The following TMCC1 variants were observed in gnomAD, a reference collection of about 807,000 sequenced individuals.
TMCC1 encodes the protein transmembrane and coiled-coil domains protein 1.
TMCC1 carries 15 observed loss-of-function variants against 52.4 expected under a neutral mutation model. The ratio of observed to expected loss-of-function variants is 0.29; its 90% confidence interval spans 0.19 to 0.44. The LOEUF is 0.44. TMCC1 is among the 20% of genes least tolerant of loss of function. The pLI is 1.00. For synonymous variants in TMCC1, 279 were observed against 301.9 expected, an observed-to-expected ratio of 0.92 and a Z score of 0.79; for missense variants, 503 against 806.0, an observed-to-expected ratio of 0.62 and a Z score of 4.55.
chr3:129,756,115 A>G lies in TMCC1; in HGVS notation c.576+71688T>C, dbSNP rs1378412110. Among the ~76,000 whole-genome samples the G allele has an allele frequency of 4.0e-5, 5 of 125,556 alleles. No homozygotes were observed. The East Asian group carries it at 2.0e-3, about 50-fold the overall frequency. The allele number at this position is 125,556 out of a possible 152,430, so 82.4% of individuals were successfully genotyped here. On this transcript the variant is annotated intron_variant, in intron 4 of 6. Coordinates refer to ENST00000393238, the MANE Select transcript of TMCC1 (RefSeq NM_001017395.5). ...TCCATCTCAAGAAAAAAAAAAAAAAAGAAAAAAAAAGAAAGAAAAAAGAAA... is the reference window on the plus strand; with the variant it reads ...TCCATCTCAAGAAAAAAAAAAAAAAGGAAAAAAAAAGAAAGAAAAAAGAAA...
chr3:129,778,525 C>T (rs967469551), intron 4 of TMCC1, among the ~76,000 whole-genome samples: 2 of 152,090 alleles, frequency 1.3e-5, no homozygotes, highest in Admixed American at 1.3e-4. Context: ...GTACTATTTT[C>T]TCAAGGCAAT....
rs1183794475 is a variant in TMCC1, at chr3:129,649,270, AAGTT to A, written c.*2207_*2210del. ...CTCTGAGCAATTACGCTAAAGCAGA[AAGTT>A]AGGAGAAACTGTCAGTTCAAAAAGT... On this transcript the variant is annotated 3_prime_UTR_variant, in exon 7 of 7. Coordinates refer to ENST00000393238, the MANE Select transcript of TMCC1 (RefSeq NM_001017395.5). 1 of 152,204 alleles carries A rather than the reference AAGTT, an allele frequency of 6.6e-6. No homozygotes were observed. Among genetic ancestry groups the A allele is most frequent in the Non-Finnish European group, 1.5e-5 (1 of 68,038 alleles). The allele number at this position is 152,204 out of a possible 1,614,324, so 9.4% of individuals were successfully genotyped here. A position where few individuals can be genotyped will look rare whatever the true frequency, so the allele number is the denominator to read the frequency against.
At chr3:129,808,016 C>G (rs986050514) in intron 4 of TMCC1, among the ~76,000 whole-genome samples, 16 of 146,252 alleles carry the variant, frequency 1.1e-4, no homozygotes, top group Admixed American at 7.4e-4. Context: ...AGAAGTGTAT[C>G]TCCAAGAAAA....
At chr3:129,790,245 G>A (rs886562310) in intron 4 of TMCC1, among the ~76,000 whole-genome samples, 2 of 152,170 alleles carry the variant, frequency 1.3e-5, no homozygotes, top group African/African-American at 4.8e-5. Flanking sequence ...ACTATTCAAA[G>A]ATCCATATCT....
At chr3:129,819,854 C>A (rs1289143288) in intron 4 of TMCC1, 1 of 151,936 alleles carries the variant, frequency 6.6e-6, no homozygotes, top group African/African-American at 2.4e-5. Flanking sequence ...GACACAAAAA[C>A]TCGTGAAACA....
chr3:129,823,553 C>A (rs1369664761), intron 4 of TMCC1, among the ~76,000 whole-genome samples: 1 of 151,964 alleles, frequency 6.6e-6, no homozygotes, highest in African/African-American at 2.4e-5. Flanking sequence ...TAACAAACAC[C>A]GACTTAGTTC....
intron 4 of TMCC1, among the ~76,000 whole-genome samples, chr3:129,755,022 G>A (rs985872137): frequency 1.3e-5 from 2 of 152,118 alleles, no homozygotes; most frequent in African/African-American, 4.8e-5. Flanking sequence ...AGGTTGCAGT[G>A]AGCCGAGATC....
At chr3:129,784,362 A>T (rs765233011) in intron 4 of TMCC1, among the ~76,000 whole-genome samples, 1 of 149,626 alleles carries the variant, frequency 6.7e-6, no homozygotes, top group Non-Finnish European at 1.5e-5. Flanking sequence ...GCGGATCACG[A>T]GGTCAGGAAA....
At chr3:129,841,604 A>C (rs945037608) in intron 2 of TMCC1, among the ~76,000 whole-genome samples, 3 of 152,190 alleles carry the variant, frequency 2.0e-5, no homozygotes, top group Non-Finnish European at 4.4e-5. Context: ...AATAATAATG[A>C]AAATGTTCAT....
chr3:129,815,124 G>A (rs753064557), intron 4 of TMCC1, among the ~76,000 whole-genome samples: 2 of 151,724 alleles, frequency 1.3e-5, no homozygotes, highest in Non-Finnish European at 2.9e-5. Flanking sequence ...TCACCACAAG[G>A]GAACATTCTC....
At chr3:129,667,389 A>G (rs1230448446) in intron 5 of TMCC1, among the ~76,000 whole-genome samples, 1 of 152,168 alleles carries the variant, frequency 6.6e-6, no homozygotes, top group Non-Finnish European at 1.5e-5. Context: ...AACAACAAAA[A>G]TAAAGTACAA....
At chr3:129,786,975 A>G (rs895262566) in intron 4 of TMCC1, among the ~76,000 whole-genome samples, 7 of 152,342 alleles carry the variant, frequency 4.6e-5, no homozygotes, top group Admixed American at 3.9e-4. Flanking sequence ...CCCATTCATT[A>G]AAGTCTTGAA....
chr3:129,716,282 C>T (rs1317492954), intron 4 of TMCC1, among the ~76,000 whole-genome samples: 1 of 149,922 alleles, frequency 6.7e-6, no homozygotes, highest in African/African-American at 2.4e-5. Flanking sequence ...CCTGCCTCAG[C>T]CTCCTGAGTA....
chr3:129,826,258 T>C (rs1245603441), intron 4 of TMCC1, among the ~76,000 whole-genome samples: 1 of 151,608 alleles, frequency 6.6e-6, no homozygotes, highest in Non-Finnish European at 1.5e-5. Context: ...CCTCAGCACT[T>C]TGGGAGGCTG....
intron 4 of TMCC1, among the ~76,000 whole-genome samples, chr3:129,677,892 C>T (rs967325631): frequency 5.3e-5 from 8 of 152,352 alleles, no homozygotes; most frequent in Admixed American, 4.6e-4. Context: ...CAACTACCTA[C>T]TTAGTATCTC....
chr3:129,783,811 G>A (rs1234046375), intron 4 of TMCC1, among the ~76,000 whole-genome samples: 1 of 152,198 alleles, frequency 6.6e-6, no homozygotes, highest in East Asian at 1.9e-4. Context: ...CCTCTACCTT[G>A]AAATCTTTTC....
At chr3:129,765,718 C>T (rs80043188) in intron 4 of TMCC1, among the ~76,000 whole-genome samples, 71 of 152,270 alleles carry the variant, frequency 4.7e-4, no homozygotes, top group African/African-American at 1.7e-3. Flanking sequence ...TCATGGTCAT[C>T]AGGATTCCAG....
chr3:129,676,874 C>A (rs930433694), intron 4 of TMCC1, among the ~76,000 whole-genome samples: 1 of 152,090 alleles, frequency 6.6e-6, no homozygotes, highest in Non-Finnish European at 1.5e-5. Flanking sequence ...TGATGCCTGC[C>A]AAACATGGTA....
chr3:129,826,134 C>T (rs1396724526), intron 4 of TMCC1, among the ~76,000 whole-genome samples: 1 of 152,102 alleles, frequency 6.6e-6, no homozygotes, highest in African/African-American at 2.4e-5. Context: ...AGACAAGGTA[C>T]ATAGCTGCAC....
Sources: allele counts gnomAD v4.1 joint callset (sites outside exome capture counted in the v4.1 genomes callset), GRCh38; gene constraint gnomAD v4.1.1; transcripts MANE v1.5; gene names NCBI Gene and HGNC (gene_info 2026-07-23, HGNC 2026-07-21).